SMC2: variants seen among roughly 807,000 people sequenced by gnomAD.
SMC2 encodes structural maintenance of chromosomes protein 2.
Under a neutral mutation model 142.6 loss-of-function variants are expected in SMC2, and 41 were observed. The ratio of observed to expected loss-of-function variants is 0.29; its 90% CI spans 0.22 to 0.37. SMC2 has a LOEUF of 0.37. SMC2 is among the 10% of genes least tolerant of loss of function. The probability of loss-of-function intolerance (pLI) is 1.00; values close to 1 mark genes in which losing one functional copy is unlikely to be tolerated. For synonymous variants in SMC2, 463 were observed against 457.5 expected, an observed-to-expected ratio of 1.01 and a Z score of -0.15; for missense variants, 1,265 against 1,373.7, an observed-to-expected ratio of 0.92 and a Z score of 1.25.
intron 3 of SMC2, among the ~76,000 whole-genome samples, chr9:104,096,661 A>G (rs778819793): frequency 2.0e-5 from 3 of 152,234 alleles, no homozygotes; most frequent in Non-Finnish European, 4.4e-5. Flanking sequence ...GTTAACAGCT[A>G]TAAGTTTTGT....
Position 104,102,064 on chromosome 9 carries a change from A to T in SMC2, c.741A>T (p.Val247=). 1.2e-6 allele frequency: 2 copies of T among 1,611,408 alleles called. No homozygotes were observed. Among genetic ancestry groups the T allele is most frequent in the Non-Finnish European group, 1.7e-6 (2 of 1,177,762 alleles). ...TTTTGCTGGCTGAAGATACCAAAGT[A>T]CGCTCAGCTGAGGAATTAAAAGAAA... is the stretch of plus-strand genomic sequence containing the variant. ...YQFLLAEDTK[V]RSAEELKEMQ... The change falls in exon 8 of 25, where the codon GTA becomes GTT. Residue 247 remains valine, a synonymous_variant. Transcript: ENST00000374793.
Position 104,122,976 on chromosome 9 carries a change from C to G in SMC2, c.2133-132C>G, listed in dbSNP as rs1057193399. ...AACTTGAAAGCCGTCAAAATTATTCCTGTAACCAGTAGCATCTTATATTGT... is the reference window on the plus strand; with the variant it reads ...AACTTGAAAGCCGTCAAAATTATTCGTGTAACCAGTAGCATCTTATATTGT... On this transcript the variant is annotated intron_variant, in intron 16 of 24. Transcript: ENST00000374793. The G allele has an allele frequency of 3.5e-6, 3 of 856,672 alleles. No individual in the cohort carries two copies. In the African/African-American group the frequency reaches 5.3e-5, roughly 15 times the overall value. The allele number at this position is 856,672 out of a possible 1,614,324, so 53.1% of individuals were successfully genotyped here. A position where few individuals can be genotyped will look rare whatever the true frequency, so the allele number is the denominator to read the frequency against.
chr9:104,095,586 A>G (rs1236657378), intron 2 of SMC2, 34 bp downstream of exon 2: 1 of 1,560,146 alleles, frequency 6.4e-7, no homozygotes, highest in East Asian at 2.2e-5. Flanking sequence ...ATTTGAATTT[A>G]AGTTGGCAGG....
Position 104,115,928 on chromosome 9 carries a change from A to G in SMC2, c.1672-272A>G, listed in dbSNP as rs544692927. Among the ~76,000 whole-genome samples the G allele has an allele frequency of 2.4e-4, 36 of 152,156 alleles. 2 individuals are homozygous for G. The South Asian group carries it at 7.3e-3, about 31-fold the overall frequency. On this transcript the variant is annotated intron_variant, in intron 13 of 24. Transcript: ENST00000374793. ...TATTTGTTCAGCTTTTTTTTTTAAA[A>G]GATTCCATGTACAAGTGAGGTCATA...
chr9:104,132,989 A>T (rs890524065), intron 22 of SMC2, among the ~76,000 whole-genome samples: 7 of 152,058 alleles, frequency 4.6e-5, no homozygotes, highest in Non-Finnish European at 1.0e-4. Flanking sequence ...GCCAGTCACT[A>T]TTCTCAAATT....
intron 12 of SMC2, 110 bp from the exon 13 acceptor site, chr9:104,114,581 C>A (rs554498152): frequency 1.0e-6 from 1 of 977,060 alleles, no homozygotes; most frequent in Non-Finnish European, 1.5e-6. Context: ...TTTGCTGATT[C>A]TACTTTCATT....
chr9:104,097,498 G>A (rs1830579592), intron 3 of SMC2, among the ~76,000 whole-genome samples: 1 of 128,940 alleles, frequency 7.8e-6, no homozygotes, highest in African/African-American at 3.0e-5. Flanking sequence ...TTTAATGGAA[G>A]CCTCTGGTTG....
At chr9:104,105,913 TG>T (rs1831712664) in intron 9 of SMC2, among the ~76,000 whole-genome samples, 2 of 152,148 alleles carry the variant, frequency 1.3e-5, no homozygotes, top group Admixed American at 6.5e-5. Flanking sequence ...CACATCCTTG[TG>T]GAAAAAGTGT....
At chr9:104,089,167 C>CAT in the SMC2 span, among the ~76,000 whole-genome samples, 1 of 151,998 alleles carries the variant, frequency 6.6e-6, no homozygotes, top group African/African-American at 2.4e-5. Flanking sequence ...GAAACATATA[C>CAT]ATATATATAG....
intron 9 of SMC2, among the ~76,000 whole-genome samples, chr9:104,107,008 G>A (rs1831876138): frequency 6.6e-6 from 1 of 152,188 alleles, no homozygotes. Context: ...TTAGGACCCG[G>A]GGAGCCAGAG....
intron 5 of SMC2, 55 bp from the exon 6 acceptor site, chr9:104,100,038 T>C: frequency 9.9e-7 from 1 of 1,006,130 alleles, no homozygotes; most frequent in Non-Finnish European, 1.5e-6. Flanking sequence ...TTAATGTAAA[T>C]TCCAGTTGGA....
At position 104,097,508 on chromosome 9, in the gene SMC2, G is replaced by GA. The variant is rs59646608; in HGVS notation, c.319-920dup. Among the ~76,000 whole-genome samples the GA allele has an allele frequency of 3.3e-3, 400 of 121,850 alleles. 4 individuals are homozygous for GA. Among genetic ancestry groups the GA allele is most frequent in the Middle Eastern group, 9.1e-3 (2 of 220 alleles). 79.9% of individuals were successfully genotyped at this position (121,850 alleles called of 152,430 possible). A position where few individuals can be genotyped will look rare whatever the true frequency, so the allele number is the denominator to read the frequency against. On this transcript the variant is annotated intron_variant, in intron 3 of 24. Transcript: ENST00000374793. ...TCTATTTTAATGGAAGCCTCTGGTT[G>GA]AAAAAAAAAAAAAAAAAAGAAGCGT...
intron 12 of SMC2, 96 bp from the exon 13 acceptor site, chr9:104,114,595 C>T (rs1832871435): frequency 9.1e-7 from 1 of 1,096,278 alleles, no homozygotes; most frequent in Non-Finnish European, 1.3e-6. Flanking sequence ...TTTCATTTCA[C>T]TTTAATGTGT....
chr9:104,132,939 T>G (rs1421179075), intron 22 of SMC2, among the ~76,000 whole-genome samples: 1 of 152,046 alleles, frequency 6.6e-6, no homozygotes, highest in African/African-American at 2.4e-5. Flanking sequence ...TTTCCAAGGT[T>G]CTTCCAAAGC....
At chr9:104,115,900 T>TTTTA (rs1255722980) in intron 13 of SMC2, among the ~76,000 whole-genome samples, 2 of 152,132 alleles carry the variant, frequency 1.3e-5, no homozygotes, top group African/African-American at 2.4e-5. Flanking sequence ...ATCCTACTCT[T>TTTTA]TTTATTTGTT....
intron 19 of SMC2, 28 bp downstream of exon 19, chr9:104,126,812 A>T: frequency 6.3e-7 from 1 of 1,575,882 alleles, no homozygotes. Context: ...AATTCGAGAA[A>T]TTGAAAATGC....
At chr9:104,126,832 T>C (rs1834349205) in intron 19 of SMC2, 48 bp downstream of exon 19, 2 of 1,519,226 alleles carry the variant, frequency 1.3e-6, no homozygotes, top group Non-Finnish European at 1.8e-6. Context: ...CGAATCTTTT[T>C]ATGAAACATT....
chr9:104,094,489 G>A lies in SMC2; in HGVS notation c.-62+12G>A. The A allele has an allele frequency of 5.0e-6, 2 of 396,578 alleles. No individual in the cohort carries two copies. The highest frequency in any genetic ancestry group is 8.9e-6 in the Non-Finnish European group (2 of 225,052). The allele number at this position is 396,578 out of a possible 1,614,324, so 24.6% of individuals were successfully genotyped here. On this transcript the variant is annotated intron_variant, in intron 1 of 24. Coordinates refer to ENST00000374793, the MANE Select transcript of SMC2 (RefSeq NM_006444.3). ...GGCCTGAGGCAGCGGTGAGGCGTGT[G>A]CGTGAGCACGGCCGGTTGGGCCGGG...
chr9:104,137,982 CA>C, intron 23 of SMC2, 35 bp from the exon 24 acceptor site: 2 of 1,475,954 alleles, frequency 1.4e-6, no homozygotes, highest in Non-Finnish European at 1.8e-6. Flanking sequence ...GTGATAAAAT[CA>C]AATTTTTATG....
Sources: allele counts gnomAD v4.1 joint callset (sites outside exome capture counted in the v4.1 genomes callset), GRCh38; gene constraint gnomAD v4.1.1; transcripts MANE v1.5; gene names NCBI Gene and HGNC (gene_info 2026-07-23, HGNC 2026-07-21).